Variants in SLC26A9 observed in about 807,000 individuals in gnomAD.
SLC26A9 encodes the protein anion transporter/exchanger protein 9.
Under a neutral mutation model 87.1 loss-of-function variants are expected in SLC26A9, and 46 were observed. The ratio of observed to expected loss-of-function variants is 0.53; its 90% CI spans 0.42 to 0.67. SLC26A9 has a LOEUF of 0.67. SLC26A9 is among the 30% of genes least tolerant of loss of function. SLC26A9 has a pLI of 0.00. For synonymous variants in SLC26A9, 437 were observed against 409.1 expected (o/e 1.07, Z -0.82); for missense variants, 927 against 1,018.3 (o/e 0.91, Z 1.22).
Position 205,915,242 on chromosome 1 carries a change from A to C in SLC26A9, c.*115T>G, listed in dbSNP as rs1558116765. 6.3e-7 allele frequency: 1 copy of C among 1,598,928 alleles called. No individual in the cohort carries two copies. Among genetic ancestry groups the C allele is most frequent in the Non-Finnish European group, 8.5e-7 (1 of 1,171,112 alleles). On this transcript the variant is annotated 3_prime_UTR_variant, in exon 21 of 21. Transcript: ENST00000367135. Reference sequence around the variant, plus strand: ...GAGGGGGAGAGGAGAGAGGAACCCAAGCTCTGGGGGATGCACTTTCCTCCG... The same window carrying C: ...GAGGGGGAGAGGAGAGAGGAACCCACGCTCTGGGGGATGCACTTTCCTCCG...
chr1:205,920,534 T>C (rs182860375), intron 17 of SLC26A9, among the ~76,000 whole-genome samples: 4 of 152,246 alleles, frequency 2.6e-5, no homozygotes, highest in Admixed American at 2.6e-4. Flanking sequence ...GGAGTTTCAC[T>C]CTGTTGCCCA....
In SLC26A9 at chr1:205,933,521, C is replaced by T. The variant is rs186454415; in HGVS notation, c.126-437G>A. 5.9e-5 allele frequency among the ~76,000 whole-genome samples: 9 copies of T among 152,304 alleles called. No homozygotes were observed. In the East Asian group the frequency reaches 1.7e-3, roughly 29 times the overall value. On this transcript the variant is annotated intron_variant, in intron 2 of 20. Transcript: ENST00000367135. ...CATTCCTTGCTTTTTGTCTGTCTCTCCCACTAGGCAGCAAACCCCACCACG... is the reference window on the plus strand; with the variant it reads ...CATTCCTTGCTTTTTGTCTGTCTCTTCCACTAGGCAGCAAACCCCACCACG...
intron 17 of SLC26A9, 69 bp downstream of exon 17, chr1:205,921,497 G>A (rs923215202): frequency 2.0e-6 from 3 of 1,522,196 alleles, no homozygotes; most frequent in Non-Finnish European, 2.6e-6. Flanking sequence ...GGGCTCCCAG[G>A]AAAGGGAATG....
intron 19 of SLC26A9, 44 bp downstream of exon 19, chr1:205,918,796 T>G: frequency 6.3e-7 from 1 of 1,587,472 alleles, no homozygotes; most frequent in Non-Finnish European, 8.6e-7. Flanking sequence ...TCCTGCTATT[T>G]CAGTGCCTTG....
rs747640808 is a variant in SLC26A9 at position 205,926,574 on chromosome 1, G to A, written c.1350C>T (p.Thr450=). The stretch of plus-strand genomic sequence containing the variant: ...TCTTCCTCCACAGGTAGTAGGGGTC[G>A]GTGAGTTGCTTGAGGGAGTTCTTGA... The part of the protein sequence containing the change: ...VNLKNSLKQL[T]DPYYLWRKSK... Residue 450 remains threonine (T), a synonymous_variant, in exon 12 of 21, where the codon ACC becomes ACT. Coordinates refer to ENST00000367135, the MANE Select transcript of SLC26A9 (RefSeq NM_052934.4). 7.4e-6 allele frequency: 12 copies of A among 1,613,976 alleles called. No individual in the cohort carries two copies. The highest frequency in any genetic ancestry group is 3.3e-5 in the South Asian group (3 of 91,086).
In SLC26A9 at chr1:205,931,994, G is replaced by A. The variant is rs778830650; in HGVS notation, c.418C>T (p.Leu140=). The change falls in exon 5 of 21, where the codon CTG becomes TTG. Residue 140 remains leucine (L), a synonymous_variant. Coordinates refer to ENST00000367135, the MANE Select transcript of SLC26A9 (RefSeq NM_052934.4). ...AATTTCGACTCTGGGGCCAGCTGCA[G>A]ACAGATGTTACCCACCAGGATGCTG... The part of the protein sequence containing the change: ...VISILVGNIC[L]QLAPESKFQV... 4.3e-6 allele frequency: 7 copies of A among 1,614,246 alleles called. No individual in the cohort carries two copies. The highest frequency in any genetic ancestry group is 5.9e-6 in the Non-Finnish European group (7 of 1,180,044).
chr1:205,915,204 G>A lies in SLC26A9; in HGVS notation c.*153C>T. On this transcript the variant is annotated 3_prime_UTR_variant, in exon 21 of 21. Coordinates refer to ENST00000367135, the MANE Select transcript of SLC26A9 (RefSeq NM_052934.4). ...TCTCTCTGGAGATGCGGGGAGGGAA[G>A]GAAGGGAGGAGAGAGGGGGAGAGGA... The A allele has an allele frequency of 1.2e-6, 2 of 1,609,420 alleles. No homozygotes were observed. The highest frequency in any genetic ancestry group is 2.2e-5 in the East Asian group (1 of 44,794).
At chr1:205,919,114 G>T (rs1273595703) in intron 18 of SLC26A9, 129 bp from the exon 19 acceptor site, 81 of 1,176,392 alleles carry the variant, frequency 6.9e-5, no homozygotes, top group Non-Finnish European at 8.1e-5. Flanking sequence ...TGTATCTGAG[G>T]GCCATGGCAT....
chr1:205,927,817 C>A (rs1006831772), intron 9 of SLC26A9, 85 bp downstream of exon 9: 7 of 1,563,424 alleles, frequency 4.5e-6, no homozygotes, highest in Admixed American at 1.7e-5. Context: ...TCACCTCAGC[C>A]CAATGATCTC....
intron 16 of SLC26A9, among the ~76,000 whole-genome samples, chr1:205,922,329 G>C (rs977968289): frequency 3.3e-5 from 5 of 152,336 alleles, no homozygotes; most frequent in African/African-American, 1.2e-4. Context: ...AGTAGAGACA[G>C]CGTTTCGCCA....
chr1:205,928,158 T>C (rs1486438152), intron 8 of SLC26A9, 109 bp from the exon 9 acceptor site: 1 of 1,346,992 alleles, frequency 7.4e-7, no homozygotes, highest in Non-Finnish European at 1.0e-6. Context: ...TGTGCCGGGA[T>C]CTTTGCCTAA....
Position 205,927,226 on chromosome 1 carries a change from C to T in SLC26A9, c.1278G>A (p.Leu426=), listed in dbSNP as rs1200862638. 1 of 1,614,120 alleles carries T rather than the reference C, an allele frequency of 6.2e-7. No individual in the cohort carries two copies. Among genetic ancestry groups the T allele is most frequent in the Non-Finnish European group, 8.5e-7 (1 of 1,180,024 alleles). ...MITMLVLGIY[L]YPLPKSVLGA... is the part of the protein sequence containing the mutation. ...GGGCTCTTACCTTAGGGAGAGGATACAGATAGATCCCCAGGACCAGCATGG... is the reference window on the plus strand; with the variant it reads ...GGGCTCTTACCTTAGGGAGAGGATATAGATAGATCCCCAGGACCAGCATGG... Residue 426 remains leucine, a synonymous_variant, in exon 11 of 21, where the codon CTG becomes CTA. Coordinates refer to ENST00000367135, the MANE Select transcript of SLC26A9 (RefSeq NM_052934.4).
chr1:205,925,659 G>A (rs1426046225), intron 12 of SLC26A9, among the ~76,000 whole-genome samples: 4 of 152,188 alleles, frequency 2.6e-5, no homozygotes, highest in Non-Finnish European at 5.9e-5. Flanking sequence ...CCTTCCCTAT[G>A]AGACAGTACA....
chr1:205,924,320 G>C, intron 13 of SLC26A9, 63 bp downstream of exon 13: 1 of 1,476,492 alleles, frequency 6.8e-7, no homozygotes, highest in South Asian at 1.1e-5. Flanking sequence ...TGGCATGGAA[G>C]CCCTTTGCGG....
chr1:205,926,418 T>A, intron 12 of SLC26A9, 117 bp downstream of exon 12: 2 of 847,106 alleles, frequency 2.4e-6, no homozygotes, highest in Admixed American at 4.0e-5. Context: ...ACTCATCTCA[T>A]GCTAATTAGG....
At chr1:205,943,033 G>C (rs1329218284) in intron 1 of SLC26A9, among the ~76,000 whole-genome samples, 1 of 152,174 alleles carries the variant, frequency 6.6e-6, no homozygotes, top group African/African-American at 2.4e-5. Context: ...AGGCTGTCGC[G>C]GAGGAAGGTC....
intron 10 of SLC26A9, 33 bp downstream of exon 10, chr1:205,927,459 A>G: frequency 6.2e-7 from 1 of 1,603,010 alleles, no homozygotes; most frequent in Non-Finnish European, 8.5e-7. Context: ...TTCTCTTACC[A>G]CCTCCCCCCA....
chr1:205,914,974 G>A lies in SLC26A9; in HGVS notation c.*383C>T, dbSNP rs779643232. On this transcript the variant is annotated 3_prime_UTR_variant, in exon 21 of 21. Coordinates refer to ENST00000367135, the MANE Select transcript of SLC26A9 (RefSeq NM_052934.4). ...TTTTTGAAGCTTGTACAGCAGGCCA[G>A]CACAGTTGTACTTGTCCTTCTGTTT... The A allele has an allele frequency of 3.1e-6, 5 of 1,614,090 alleles. No individual in the cohort carries two copies. Among genetic ancestry groups the A allele is most frequent in the South Asian group, 1.1e-5 (1 of 91,090 alleles).
chr1:205,917,234 T>G (rs1368166109), intron 20 of SLC26A9, 49 bp downstream of exon 20: 1 of 1,599,846 alleles, frequency 6.3e-7, no homozygotes, highest in Non-Finnish European at 8.6e-7. Flanking sequence ...ACCCCATCCT[T>G]CCCCTCTTCG....
Sources: gnomAD v4.1 joint callset for allele counts (sites outside exome capture counted in the v4.1 genomes callset) on GRCh38, gnomAD v4.1.1 for gene constraint, MANE v1.5 for transcripts, NCBI Gene and HGNC (gene_info 2026-07-23, HGNC 2026-07-21) for gene names.